Variants in MCOLN3 observed in about 807,000 individuals in gnomAD.
The protein encoded by MCOLN3 is mucolipin TRP cation channel 3.
A neutral mutation model predicts 69.4 loss-of-function variants in MCOLN3; 62 were observed. The observed-to-expected ratio is 0.89, with a 90% confidence interval of 0.73 to 1.10. MCOLN3 has a LOEUF of 1.10. MCOLN3 is among the 50% of genes least tolerant of loss of function. The pLI is 0.00. For synonymous variants in MCOLN3, 183 were observed against 217.0 expected (o/e 0.84, Z 1.38); for missense variants, 564 against 656.4 (o/e 0.86, Z 1.54).
At chr1:85,034,778 C>T in intron 3 of MCOLN3, among the ~76,000 whole-genome samples, 1 of 152,254 alleles carries the variant, frequency 6.6e-6, no homozygotes, top group East Asian at 1.9e-4. Flanking sequence ...GGGTCCTCTA[C>T]ATTTAAAAAA....
At chr1:85,028,803 C>T (rs1652353792) in intron 7 of MCOLN3, among the ~76,000 whole-genome samples, 1 of 152,128 alleles carries the variant, frequency 6.6e-6, no homozygotes, top group Middle Eastern at 3.2e-3. Context: ...AGTAGGTACA[C>T]AGCATGCACT....
chr1:85,025,765 T>C (rs1652182801), intron 9 of MCOLN3, 174 bp downstream of exon 9: 1 of 618,274 alleles, frequency 1.6e-6, no homozygotes, highest in African/African-American at 1.9e-5. Flanking sequence ...TGAAAAACTC[T>C]GCCTAAGAGA....
rs1310274694 is a variant in MCOLN3, at chr1:85,022,205, G to A, written c.1198-13C>T. On this transcript the variant is annotated splice_polypyrimidine_tract_variant and intron_variant, in intron 10 of 12. Coordinates refer to ENST00000370589, the MANE Select transcript of MCOLN3 (RefSeq NM_018298.11). Reference sequence around the variant, plus strand: ...TCAAAATGAGGAGCTGGGAAAGTAAGAGAGGCCATTAGAATGGTTTTGTCC... The same window carrying A: ...TCAAAATGAGGAGCTGGGAAAGTAAAAGAGGCCATTAGAATGGTTTTGTCC... The A allele has an allele frequency of 6.2e-7, 1 of 1,613,990 alleles. No homozygotes were observed. The highest frequency in any genetic ancestry group is 1.1e-5 in the South Asian group (1 of 91,042).
chr1:85,021,542 A>G (rs1651939817), intron 11 of MCOLN3, among the ~76,000 whole-genome samples: 1 of 152,236 alleles, frequency 6.6e-6, no homozygotes, highest in South Asian at 2.1e-4. Context: ...GCTTTTTTGA[A>G]TCAAGCCTTG....
chr1:85,022,201 G>GT lies in MCOLN3; in HGVS notation c.1198-10dup. On this transcript the variant is annotated splice_polypyrimidine_tract_variant and intron_variant, in intron 10 of 12. Coordinates refer to ENST00000370589, the MANE Select transcript of MCOLN3 (RefSeq NM_018298.11). Reference sequence around the variant, plus strand: ...AGGGTCAAAATGAGGAGCTGGGAAAGTAAGAGAGGCCATTAGAATGGTTTT... The same window carrying GT: ...AGGGTCAAAATGAGGAGCTGGGAAAGTTAAGAGAGGCCATTAGAATGGTTTT... 1 of 1,613,990 alleles carries GT rather than the reference G, an allele frequency of 6.2e-7. No individual in the cohort carries two copies.
chr1:85,047,149 T>G (rs576145255), intron 1 of MCOLN3, among the ~76,000 whole-genome samples: 1 of 152,154 alleles, frequency 6.6e-6, no homozygotes, highest in Admixed American at 6.5e-5. Context: ...CTAAGCGCTT[T>G]CCACTTTGAT....
chr1:85,036,798 T>C (rs1652824157), intron 3 of MCOLN3: 1 of 152,222 alleles, frequency 6.6e-6, no homozygotes, highest in Non-Finnish European at 1.5e-5. Context: ...GAAAGGCATT[T>C]TCTGACCACT....
In MCOLN3 at chr1:85,033,021, T is replaced by TAA. The variant is rs1205146561; in HGVS notation, c.551-66_551-65insTT. ...ATAAGACTGCATTTTGAAAGGCTGATACATTTAAGACCAGTTATTCAGATT... is the reference window on the plus strand; with the variant it reads ...ATAAGACTGCATTTTGAAAGGCTGATAAACATTTAAGACCAGTTATTCAGATT... On this transcript the variant is annotated intron_variant, in intron 4 of 12. Transcript: ENST00000370589. The TAA allele has an allele frequency of 6.2e-6, 8 of 1,287,648 alleles. No individual in the cohort carries two copies. In the Admixed American group the frequency reaches 1.4e-4, roughly 22 times the overall value. The allele number at this position is 1,287,648 out of a possible 1,614,324, so 79.8% of individuals were successfully genotyped here.
chr1:85,021,969 C>G (rs1437720232), intron 11 of MCOLN3, 101 bp downstream of exon 11: 1 of 1,429,020 alleles, frequency 7.0e-7, no homozygotes, highest in East Asian at 2.3e-5. Flanking sequence ...CATTTTAAGG[C>G]TGAATCACAA....
At chr1:85,045,403 AT>A in intron 1 of MCOLN3, 41 bp from the exon 2 acceptor site, 2 of 1,488,568 alleles carry the variant, frequency 1.3e-6, no homozygotes, top group Non-Finnish European at 1.8e-6. Flanking sequence ...CAACATTTCC[AT>A]TTAGTGAGTA....
At chr1:85,040,168 A>G (rs770470421) in intron 3 of MCOLN3, among the ~76,000 whole-genome samples, 12 of 152,076 alleles carry the variant, frequency 7.9e-5, no homozygotes, top group Non-Finnish European at 1.6e-4. Flanking sequence ...ACTTATTTCT[A>G]TTACTTTAGA....
At chr1:85,037,119 G>T (rs555282799) in intron 3 of MCOLN3, among the ~76,000 whole-genome samples, 4 of 152,236 alleles carry the variant, frequency 2.6e-5, no homozygotes, top group Admixed American at 2.0e-4. Context: ...GGTGATTATG[G>T]CACCAAGCTT....
chr1:85,024,426 G>A (rs1247600727), intron 9 of MCOLN3: 1 of 152,212 alleles, frequency 6.6e-6, no homozygotes, highest in African/African-American at 2.4e-5. Flanking sequence ...GTAGGCAGGT[G>A]GAGGGGTTGG....
rs1248042338 is a variant in MCOLN3, at chr1:85,018,868, T to C, written c.*255A>G. On this transcript the variant is annotated 3_prime_UTR_variant, in exon 13 of 13. Transcript: ENST00000370589. Reference sequence around the variant, plus strand: ...GCATACAGAATACATTCTAAAGCCATGGCAAAATAAACAAGAAATAATAAT... The same window carrying C: ...GCATACAGAATACATTCTAAAGCCACGGCAAAATAAACAAGAAATAATAAT... 1 of 379,846 alleles carries C rather than the reference T, an allele frequency of 2.6e-6. No homozygotes were observed. The highest frequency in any genetic ancestry group is 4.7e-6 in the Non-Finnish European group (1 of 211,856). 23.5% of individuals were successfully genotyped at this position (379,846 alleles called of 1,614,324 possible).
At position 85,035,486 on chromosome 1, in the gene MCOLN3, T is replaced by C. The variant is rs190226127; in HGVS notation, c.397-1235A>G. Among the ~76,000 whole-genome samples the C allele has an allele frequency of 1.6e-4, 25 of 152,330 alleles. No individual in the cohort carries two copies. The East Asian group carries it at 2.7e-3, about 16-fold the overall frequency. On this transcript the variant is annotated intron_variant, in intron 3 of 12. Coordinates refer to ENST00000370589, the MANE Select transcript of MCOLN3 (RefSeq NM_018298.11). ...CAAACAGAAACACCTGCTTCTTCCA[T>C]AGTAATTCCCTTCTCAATAAATTAT...
chr1:85,032,845 A>C, intron 5 of MCOLN3, 27 bp downstream of exon 5: 2 of 1,613,662 alleles, frequency 1.2e-6, no homozygotes, highest in South Asian at 2.2e-5. Context: ...TGCAAACGTA[A>C]GTTACACTCC....
chr1:85,021,436 A>G (rs1651935191), intron 11 of MCOLN3, among the ~76,000 whole-genome samples, 160 bp from the exon 12 acceptor site: 1 of 152,216 alleles, frequency 6.6e-6, no homozygotes, highest in Non-Finnish European at 1.5e-5. Flanking sequence ...TTTGTGATGC[A>G]TATAACATAA....
At chr1:85,039,618 G>A (rs139160085) in intron 3 of MCOLN3, among the ~76,000 whole-genome samples, 2 of 152,208 alleles carry the variant, frequency 1.3e-5, no homozygotes, top group Middle Eastern at 3.4e-3. Flanking sequence ...AAGCAGAATG[G>A]CCTAAGTGCC....
At chr1:85,033,241 CTAGA>C (rs567729267) in intron 4 of MCOLN3, among the ~76,000 whole-genome samples, 179 of 152,208 alleles carry the variant, frequency 1.2e-3, no homozygotes, top group African/African-American at 4.2e-3. Context: ...GTTTTTAAGC[CTAGA>C]TAAACTTTGA....
Sources: gnomAD v4.1 joint callset for allele counts (sites outside exome capture counted in the v4.1 genomes callset) on GRCh38, gnomAD v4.1.1 for gene constraint, MANE v1.5 for transcripts, NCBI Gene and HGNC (gene_info 2026-07-23, HGNC 2026-07-21) for gene names.